The following STIP1 variants were observed in gnomAD, a reference collection of about 807,000 sequenced individuals.
The protein encoded by STIP1 is stress induced phosphoprotein 1, also known as stress-induced-phosphoprotein 1.
Under a neutral mutation model 77.4 loss-of-function variants are expected in STIP1, and 16 were observed. The observed-to-expected ratio is 0.21, with a 90% CI of 0.14 to 0.31. The LOEUF is 0.31. Ranked by LOEUF, STIP1 falls within the 10% of genes least tolerant of loss-of-function variation. STIP1 has a pLI of 1.00. For synonymous variants in STIP1, 258 were observed against 246.6 expected, an observed-to-expected ratio of 1.05 and a Z score of -0.44; for missense variants, 524 against 684.8, an observed-to-expected ratio of 0.77 and a Z score of 2.62.
chr11:64,194,535 G>T lies in STIP1; in HGVS notation c.418G>T (p.Asp140Tyr), dbSNP rs1325492241. The T allele has an allele frequency of 6.2e-7, 1 of 1,614,176 alleles. No homozygotes were observed. The highest frequency in any genetic ancestry group is 1.3e-5 in the African/African-American group (1 of 75,034). ...TAATCTGTATCAGAAGTTGGAGAGT[G>T]ATCCCAGGACAAGGACACTACTCAG... ...MPNLYQKLES[D>Y]PRTRTLLSDP... Residue 140 changes from aspartate to tyrosine, a missense_variant, in exon 4 of 14, where the codon GAT (aspartate) becomes TAT (tyrosine). By Grantham distance (160) the Asp-to-Tyr change is radical. Coordinates refer to ENST00000305218, the MANE Select transcript of STIP1 (RefSeq NM_006819.3).
At chr11:64,199,787 TCTC>T (rs1431479559) in intron 8 of STIP1, among the ~76,000 whole-genome samples, 150 bp from the exon 9 acceptor site, 1 of 151,888 alleles carries the variant, frequency 6.6e-6, no homozygotes, top group Non-Finnish European at 1.5e-5. Context: ...ATGGTCTCGA[TCTC>T]CTGACCTCGT....
chr11:64,193,380 T>G (rs1946114006), intron 2 of STIP1, 93 bp downstream of exon 2: 1 of 1,120,996 alleles, frequency 8.9e-7, no homozygotes, highest in Non-Finnish European at 1.3e-6. Flanking sequence ...GATACACTGA[T>G]AGTTACCTAC....
chr11:64,185,634 G>C (rs960737056), upstream of STIP1: 1 of 723,210 alleles, frequency 1.4e-6, no homozygotes, highest in Non-Finnish European at 2.2e-6. Context: ...GGAGCGAGAG[G>C]GAAAGCAACC....
intron 1 of STIP1, among the ~76,000 whole-genome samples, chr11:64,191,069 C>G (rs1248225635): frequency 2.6e-5 from 4 of 151,810 alleles, no homozygotes; most frequent in Admixed American, 2.6e-4. Flanking sequence ...TGTCTGTAAT[C>G]CCAGCTACTC....
At chr11:64,201,925 G>C (rs952927733) in intron 10 of STIP1, among the ~76,000 whole-genome samples, 1 of 152,220 alleles carries the variant, frequency 6.6e-6, no homozygotes, top group Non-Finnish European at 1.5e-5. Context: ...TCACTTTGAA[G>C]ATGTTTCAAA....
rs751328865 is a variant in STIP1, at chr11:64,194,639, C to T, written c.503+19C>T. ...TGGGCACGTAAGTGGACGCCGCTCA[C>T]TGAGGTTCTGGAAATCGGGGAATGT... On this transcript the variant is annotated intron_variant, in intron 4 of 13. Coordinates refer to ENST00000305218, the MANE Select transcript of STIP1 (RefSeq NM_006819.3). 1 of 1,608,944 alleles carries T rather than the reference C, an allele frequency of 6.2e-7. No individual in the cohort carries two copies. Among genetic ancestry groups the T allele is most frequent in the Middle Eastern group, 1.7e-4 (1 of 6,032 alleles).
In STIP1 at chr11:64,198,059, T is replaced by C. The variant is rs896611586; in HGVS notation, c.1023+85T>C. The C allele has an allele frequency of 2.7e-6, 4 of 1,469,014 alleles. No individual in the cohort carries two copies. The African/African-American group carries it at 6.0e-5, about 22-fold the overall frequency. 91.0% of individuals were successfully genotyped at this position (1,469,014 alleles called of 1,614,324 possible). A position where few individuals can be genotyped will look rare whatever the true frequency, so the allele number is the denominator to read the frequency against. ...TTACTGTTTTATTTAATAATGAACT[T>C]GACTTTTTTTTTTTTTTGAGATAGG... On this transcript the variant is annotated intron_variant, in intron 8 of 13. Transcript: ENST00000305218.
intron 1 of STIP1, 124 bp from the exon 2 acceptor site, chr11:64,192,954 C>G (rs1193265826): frequency 7.7e-6 from 7 of 909,886 alleles, no homozygotes; most frequent in African/African-American, 1.7e-5. Context: ...CCGGTTTTCT[C>G]TCTTCTGATC....
chr11:64,196,476 TC>T (rs1946151967), intron 5 of STIP1, among the ~76,000 whole-genome samples: 1 of 151,504 alleles, frequency 6.6e-6, no homozygotes, highest in Non-Finnish European at 1.5e-5. Context: ...GAGTTGCCCT[TC>T]CCGTGGTCAC....
chr11:64,195,706 A>T lies in STIP1; in HGVS notation c.565A>T (p.Ser189Cys). The change falls in exon 5 of 14, where the codon AGT becomes TGT. Residue 189 changes from serine to cysteine, a missense_variant. Coordinates refer to ENST00000305218, the MANE Select transcript of STIP1 (RefSeq NM_006819.3). ...CGTCCTCCTTGGGGTCGATCTGGGCAGTATGGATGAGGAGGAAGAGATTGC... is the reference window on the plus strand; with the variant it reads ...CGTCCTCCTTGGGGTCGATCTGGGCTGTATGGATGAGGAGGAAGAGATTGC... ...LSVLLGVDLGSMDEEEEIATP... is the reference protein window; with the variant it reads ...LSVLLGVDLGCMDEEEEIATP... The T allele has an allele frequency of 6.2e-7, 1 of 1,614,164 alleles. No homozygotes were observed. The highest frequency in any genetic ancestry group is 8.5e-7 in the Non-Finnish European group (1 of 1,180,042).
At chr11:64,202,220 ATTTT>A (rs1946226047) in intron 10 of STIP1, among the ~76,000 whole-genome samples, 1 of 151,600 alleles carries the variant, frequency 6.6e-6, no homozygotes, top group African/African-American at 2.4e-5. Flanking sequence ...AGGTTTTTTT[ATTTT>A]TGTTTGTTTG....
intron 8 of STIP1, among the ~76,000 whole-genome samples, chr11:64,198,683 C>T (rs1457479329): frequency 6.8e-6 from 1 of 147,540 alleles, no homozygotes; most frequent in Non-Finnish European, 1.5e-5. Flanking sequence ...CTTTGGTCAT[C>T]TTACATGATT....
chr11:64,186,305 T>G, intron 1 of STIP1, 35 bp downstream of exon 1: 1 of 896,776 alleles, frequency 1.1e-6, no homozygotes, highest in Non-Finnish European at 1.5e-6. Context: ...GCCCCGAGCC[T>G]GCTCGGGGAC....
upstream of STIP1, chr11:64,185,775 G>A (rs1236751512): frequency 1.3e-6 from 2 of 1,531,378 alleles, no homozygotes; most frequent in Non-Finnish European, 8.7e-7. Context: ...CAAAGAGTTG[G>A]CAACCCTCCG....
Position 64,186,200 on chromosome 11 carries a change from G to A in STIP1, c.-62G>A. The A allele has an allele frequency of 1.3e-6, 2 of 1,550,782 alleles. No individual in the cohort carries two copies. The highest frequency in any genetic ancestry group is 1.7e-6 in the Non-Finnish European group (2 of 1,146,930). ...TCTAGTAGGTTCCAGAAGGCGGCGC[G>A]TGCGGTTGGGAACGCGGAGCGGACG... On this transcript the variant is annotated 5_prime_UTR_variant, in exon 1 of 14. It adds an upstream start codon to the 5' untranslated region. Coordinates refer to ENST00000305218, the MANE Select transcript of STIP1 (RefSeq NM_006819.3).
chr11:64,201,365 C>T (rs1013315594), intron 10 of STIP1, among the ~76,000 whole-genome samples: 12 of 152,148 alleles, frequency 7.9e-5, no homozygotes, highest in Non-Finnish European at 1.2e-4. Flanking sequence ...GAGGAACCAC[C>T]ATATGTTTTT....
intron 1 of STIP1, among the ~76,000 whole-genome samples, chr11:64,188,348 A>C (rs1180308379): frequency 6.6e-6 from 1 of 151,524 alleles, no homozygotes; most frequent in Non-Finnish European, 1.5e-5. Flanking sequence ...CATCTCAAAA[A>C]AAAAAAAAAA....
chr11:64,186,148 G>A (rs2134774659), upstream of STIP1: 2 of 1,550,856 alleles, frequency 1.3e-6, no homozygotes, highest in Non-Finnish European at 1.7e-6. Context: ...AGGCGAGGAA[G>A]GGGCGGGAGC....
intron 1 of STIP1, among the ~76,000 whole-genome samples, chr11:64,189,734 C>T (rs746855472): frequency 6.6e-6 from 1 of 152,138 alleles, no homozygotes; most frequent in Non-Finnish European, 1.5e-5. Flanking sequence ...CTGGTCATGA[C>T]CTACAAAATT....
Sources: gnomAD v4.1 joint callset for allele counts (sites outside exome capture counted in the v4.1 genomes callset) on GRCh38, gnomAD v4.1.1 for gene constraint, MANE v1.5 for transcripts, NCBI Gene and HGNC (gene_info 2026-07-23, HGNC 2026-07-21) for gene names.